The following SNTG2 variants were observed in gnomAD, a reference collection of about 807,000 sequenced individuals.
SNTG2 encodes syntrophin gamma 2.
Under a neutral mutation model 70.9 loss-of-function variants are expected in SNTG2, and 74 were observed. The ratio of observed to expected loss-of-function variants is 1.04; its 90% CI spans 0.86 to 1.27. The LOEUF (loss-of-function observed/expected upper bound fraction) is 1.27. Among genes scored for constraint, SNTG2 ranks in the 50% most tolerant of loss-of-function variants. The pLI is 0.00. For missense variants in SNTG2, 717 were observed against 690.7 expected (o/e 1.04, Z -0.43); for synonymous variants, 278 against 273.8 (o/e 1.02, Z -0.15).
At chr2:1,222,106 T>C (rs1306285972) in intron 9 of SNTG2, among the ~76,000 whole-genome samples, 1 of 61,110 alleles carries the variant, frequency 1.6e-5, no homozygotes, top group African/African-American at 7.7e-5. Context: ...TCTCTCTCTG[T>C]CTCTCTCTGT....
chr2:1,184,269 C>T (rs1481609700), intron 8 of SNTG2, among the ~76,000 whole-genome samples: 4 of 152,082 alleles, frequency 2.6e-5, no homozygotes, highest in East Asian at 1.9e-4. Flanking sequence ...CCAAGTTATC[C>T]GTAATTTAAG....
intron 12 of SNTG2, among the ~76,000 whole-genome samples, chr2:1,252,180 G>A (rs1677811533): frequency 1.3e-5 from 2 of 152,278 alleles, no homozygotes; most frequent in South Asian, 4.1e-4. Flanking sequence ...CATTTCTTCT[G>A]GATCTGGATA....
At chr2:1,136,607 A>G (rs1364028030) in intron 4 of SNTG2, among the ~76,000 whole-genome samples, 1 of 152,246 alleles carries the variant, frequency 6.6e-6, no homozygotes, top group Non-Finnish European at 1.5e-5. Flanking sequence ...ATCTGTATAT[A>G]GTTTGTCAAG....
At chr2:1,284,421 C>T (rs373643431) in intron 14 of SNTG2, among the ~76,000 whole-genome samples, 49 of 152,262 alleles carry the variant, frequency 3.2e-4, no homozygotes, top group Non-Finnish European at 6.3e-4. Flanking sequence ...TTCTGGGATG[C>T]GAGCTCGGTG....
At chr2:953,638 C>T (rs4971332) in intron 1 of SNTG2, among the ~76,000 whole-genome samples, 26,544 of 152,154 alleles carry the variant, frequency 0.17, 2,707 homozygotes, top group Non-Finnish European at 0.24. Flanking sequence ...TTTCTATTGA[C>T]GTCTATGACA....
chr2:1,198,754 C>T (rs1673085308), intron 8 of SNTG2, among the ~76,000 whole-genome samples: 1 of 151,802 alleles, frequency 6.6e-6, no homozygotes, highest in African/African-American at 2.4e-5. Context: ...GACTATTAAC[C>T]ACTATATGCT....
At chr2:1,336,573 T>C (rs1572998490) in intron 16 of SNTG2, among the ~76,000 whole-genome samples, 1 of 152,228 alleles carries the variant, frequency 6.6e-6, no homozygotes, top group Non-Finnish European at 1.5e-5. Flanking sequence ...TGTTTTATCC[T>C]AGTGGTTTTA....
intron 1 of SNTG2, among the ~76,000 whole-genome samples, chr2:1,020,221 C>T (rs1377713909): frequency 6.6e-6 from 1 of 152,216 alleles, no homozygotes; most frequent in African/African-American, 2.4e-5. Flanking sequence ...CCTTCATAGA[C>T]GTGGGGTGGA....
At chr2:1,189,783 G>A (rs561338744) in intron 8 of SNTG2, among the ~76,000 whole-genome samples, 156 of 152,142 alleles carry the variant, frequency 1.0e-3, no homozygotes, top group Admixed American at 1.6e-3. Context: ...TCTTGACCTC[G>A]TGATCCACCC....
chr2:1,162,277 A>G (rs1670365514), intron 6 of SNTG2, among the ~76,000 whole-genome samples: 1 of 152,118 alleles, frequency 6.6e-6, no homozygotes, highest in Non-Finnish European at 1.5e-5. Flanking sequence ...TACCTCGGGT[A>G]TGGAGGTGGG....
At chr2:995,313 G>A (rs1572202897) in intron 1 of SNTG2, among the ~76,000 whole-genome samples, 1 of 152,050 alleles carries the variant, frequency 6.6e-6, no homozygotes, top group Non-Finnish European at 1.5e-5. Context: ...TGCATCTCTT[G>A]AGGTGATCAT....
intron 7 of SNTG2, among the ~76,000 whole-genome samples, chr2:1,168,564 A>G (rs1262536583): frequency 1.3e-5 from 2 of 152,260 alleles, no homozygotes; most frequent in Non-Finnish European, 2.9e-5. Flanking sequence ...CAAAAGCATC[A>G]TTAGACTCAT....
chr2:1,257,079 A>C (rs983859086), intron 12 of SNTG2, among the ~76,000 whole-genome samples: 1 of 151,874 alleles, frequency 6.6e-6, no homozygotes, highest in Non-Finnish European at 1.5e-5. Context: ...TGTTCCTAAC[A>C]CTTGCATCCT....
chr2:1,217,405 G>A (rs28451701), intron 9 of SNTG2, among the ~76,000 whole-genome samples: 1 of 152,066 alleles, frequency 6.6e-6, no homozygotes, highest in Non-Finnish European at 1.5e-5. Flanking sequence ...TACACAGTAC[G>A]AGAAAAGATT....
Position 950,984 on chromosome 2 carries a change from C to G in SNTG2, c.-13C>G, listed in dbSNP as rs1316662639. The G allele has an allele frequency of 8.1e-7, 1 of 1,233,138 alleles. No individual in the cohort carries two copies. The highest frequency in any genetic ancestry group is 1.0e-6 in the Non-Finnish European group (1 of 988,500). 76.4% of individuals were successfully genotyped at this position (1,233,138 alleles called of 1,614,324 possible). A position where few individuals can be genotyped will look rare whatever the true frequency, so the allele number is the denominator to read the frequency against. Reference sequence around the variant, plus strand: ...GGCCGGCCCGGAGCGCGGACCCAGCCGCAGGGGCGGCGATGGGCACCGAGG... The same window carrying G: ...GGCCGGCCCGGAGCGCGGACCCAGCGGCAGGGGCGGCGATGGGCACCGAGG... On this transcript the variant is annotated 5_prime_UTR_variant, in exon 1 of 17. Transcript: ENST00000308624.
chr2:1,137,644 C>T lies in SNTG2; in HGVS notation c.348C>T (p.Phe116=), dbSNP rs370615639. The T allele has an allele frequency of 1.6e-5, 25 of 1,612,798 alleles. No homozygotes were observed. The highest frequency in any genetic ancestry group is 4.4e-5 in the South Asian group (4 of 90,764). The part of the protein sequence containing the change: ...DQAADQTGML[F]VGDAVLQVNG... The stretch of plus-strand genomic sequence containing the variant: ...CAGCTGACCAGACAGGGATGTTGTT[C>T]GTAGGAGATGCTGTTCTCCAGGTCA... Residue 116 remains phenylalanine (F), a synonymous_variant, in exon 5 of 17, where the codon TTC becomes TTT. Coordinates refer to ENST00000308624, the MANE Select transcript of SNTG2 (RefSeq NM_018968.4).
chr2:1,286,830 C>A (rs894079174), intron 14 of SNTG2, among the ~76,000 whole-genome samples: 3 of 152,190 alleles, frequency 2.0e-5, no homozygotes, highest in Admixed American at 2.0e-4. Context: ...ATCCTTCAAT[C>A]CAATCGAATT....
chr2:1,082,401 A>G (rs559654164), intron 1 of SNTG2, among the ~76,000 whole-genome samples: 4 of 152,244 alleles, frequency 2.6e-5, no homozygotes, highest in South Asian at 2.1e-4. Flanking sequence ...TGGTTCTCAC[A>G]GCAGCTGAGT....
chr2:1,195,327 ATC>A (rs908666710), intron 8 of SNTG2, among the ~76,000 whole-genome samples: 1 of 152,132 alleles, frequency 6.6e-6, no homozygotes, highest in African/African-American at 2.4e-5. Flanking sequence ...GGTTGAACTA[ATC>A]TACACTCCCA....
Sources: allele counts gnomAD v4.1 joint callset (sites outside exome capture counted in the v4.1 genomes callset), GRCh38; gene constraint gnomAD v4.1.1; transcripts MANE v1.5; gene names NCBI Gene and HGNC (gene_info 2026-07-23, HGNC 2026-07-21).